CCDC92: variants seen among roughly 807,000 people sequenced by gnomAD.
CCDC92 encodes the protein coiled-coil domain-containing protein 92.
A neutral mutation model predicts 24.9 loss-of-function variants in CCDC92; 12 were observed. The observed-to-expected ratio is 0.48, with a 90% CI of 0.31 to 0.78. The LOEUF is 0.78. CCDC92 is among the 30% of genes least tolerant of loss of function. The pLI, the probability that CCDC92 is intolerant of heterozygous loss-of-function variation, is 0.05. For missense variants in CCDC92, 399 were observed against 439.4 expected, an observed-to-expected ratio of 0.91 and a Z score of 0.82; for synonymous variants, 193 against 196.3, an observed-to-expected ratio of 0.98 and a Z score of 0.14.
intron 4 of CCDC92, among the ~76,000 whole-genome samples, chr12:123,941,634 T>C (rs1955687073): frequency 6.6e-6 from 1 of 152,234 alleles, no homozygotes; most frequent in South Asian, 2.1e-4. Flanking sequence ...GCTCTATGTA[T>C]ATCTCTATAT....
In CCDC92 at chr12:123,937,187, G is replaced by A. The variant is rs756946132; in HGVS notation, c.867C>T (p.Val289=). Residue 289 remains valine (V), a synonymous_variant, in exon 5 of 5, where the codon GTC becomes GTT. Transcript: ENST00000238156. This position sits in a 1 kb window ranked among gnomAD's most constrained non-coding sequence, Gnocchi z 8.4. The part of the protein sequence containing the change: ...PAREKPHKAH[V]GVAHRIHHAT... ...CGTGGTGGATCCGATGTGCCACCCC[G>A]ACGTGGGCCTTGTGCGGCTTTTCGC... 11 of 1,609,780 alleles carry A rather than the reference G, an allele frequency of 6.8e-6. No individual in the cohort carries two copies. Among genetic ancestry groups the A allele is most frequent in the African/African-American group, 4.0e-5 (3 of 74,906 alleles).
chr12:123,955,858 A>G (rs117904296), intron 1 of CCDC92, among the ~76,000 whole-genome samples: 1,537 of 152,348 alleles, frequency 0.01, 13 homozygotes, highest in Non-Finnish European at 0.015. Context: ...TTCATTACCT[A>G]TAACAGGCAT....
chr12:123,960,106 A>C (rs117633377), intron 1 of CCDC92, among the ~76,000 whole-genome samples: 2,899 of 152,310 alleles, frequency 0.019, 41 homozygotes, highest in Middle Eastern at 0.071. Context: ...CCTTACTAGC[A>C]TGTAAACTCC....
intron 4 of CCDC92, among the ~76,000 whole-genome samples, chr12:123,940,148 A>G (rs1955640866): frequency 6.6e-6 from 1 of 152,212 alleles, no homozygotes; most frequent in African/African-American, 2.4e-5. Context: ...TGTGAGGGGC[A>G]GCCCACAAAG....
rs1161304988 is a variant in CCDC92, at chr12:123,937,689, G to A, written c.365C>T (p.Thr122Ile). ...GTACTTCTTCTCTCGCTCCTTGATG[G>A]TGTTCTCCAGCACTGTGATCATCGC... ...KNAMITVLEN[T>I]IKEREKKYLE... is the part of the protein sequence containing the mutation. Residue 122 changes from threonine to isoleucine, a missense_variant, in exon 5 of 5, where the codon ACC becomes ATC. By Grantham distance (89) the Thr-to-Ile change is moderately conservative (BLOSUM62 -1). Transcript: ENST00000238156. This position sits in a 1 kb window ranked among gnomAD's most constrained non-coding sequence, Gnocchi z 8.4. 2 of 1,614,078 alleles carry A rather than the reference G, an allele frequency of 1.2e-6. No homozygotes were observed. Among genetic ancestry groups the A allele is most frequent in the South Asian group, 1.1e-5 (1 of 91,082 alleles).
intron 1 of CCDC92, among the ~76,000 whole-genome samples, chr12:123,956,632 A>G (rs1475841315): frequency 6.6e-6 from 1 of 152,238 alleles, no homozygotes; most frequent in Non-Finnish European, 1.5e-5. Context: ...CAAAACAGCT[A>G]TCCATTAAGA....
chr12:123,959,395 C>T (rs1017392692), intron 1 of CCDC92, among the ~76,000 whole-genome samples: 6 of 151,992 alleles, frequency 3.9e-5, no homozygotes, highest in African/African-American at 1.5e-4. Flanking sequence ...ACCTCGACCT[C>T]CTGGGTTTAA....
chr12:123,941,484 T>C (rs1388317008), intron 4 of CCDC92, among the ~76,000 whole-genome samples: 1 of 152,138 alleles, frequency 6.6e-6, no homozygotes, highest in Non-Finnish European at 1.5e-5. Flanking sequence ...TTGGTGGAAA[T>C]GGTCTGTGTC....
At chr12:123,953,589 T>TAACATGGTGAAAC (rs1956079533) in intron 1 of CCDC92, among the ~76,000 whole-genome samples, 1 of 152,110 alleles carries the variant, frequency 6.6e-6, no homozygotes, top group African/African-American at 2.4e-5. Flanking sequence ...CCATCCTGGC[T>TAACATGGTGAAAC]AACATGGTGA....
chr12:123,943,258 G>A (rs761480265), intron 3 of CCDC92, 89 bp downstream of exon 3: 2 of 1,424,330 alleles, frequency 1.4e-6, no homozygotes, highest in South Asian at 1.2e-5. Flanking sequence ...TGGGAGCTGG[G>A]GGCAGGGCAG....
At chr12:123,959,103 C>T (rs559578222) in intron 1 of CCDC92, among the ~76,000 whole-genome samples, 7 of 152,324 alleles carry the variant, frequency 4.6e-5, no homozygotes, top group Non-Finnish European at 8.8e-5. Context: ...TTCTGCCCTT[C>T]GTTAAGGATG....
chr12:123,947,524 A>G (rs1292897632), intron 1 of CCDC92, among the ~76,000 whole-genome samples: 2 of 152,284 alleles, frequency 1.3e-5, no homozygotes, highest in South Asian at 2.1e-4. Context: ...AAACACACCA[A>G]TCAGCACCCT....
rs904761684 is a variant in CCDC92 at position 123,936,932 on chromosome 12, A to C, written c.*126T>G. 4 of 1,020,192 alleles carry C rather than the reference A, an allele frequency of 3.9e-6. No individual in the cohort carries two copies. Among genetic ancestry groups the C allele is most frequent in the Non-Finnish European group, 5.8e-6 (4 of 693,300 alleles). The allele number at this position is 1,020,192 out of a possible 1,614,324, so 63.2% of individuals were successfully genotyped here. On this transcript the variant is annotated 3_prime_UTR_variant, in exon 5 of 5. Coordinates refer to ENST00000238156, the MANE Select transcript of CCDC92 (RefSeq NM_025140.3). ...GTGAAGAAGAGGGCAAGAGAAGCAGAAGGAGAATGGGTCGGTAGGTGTGAA... is the reference window on the plus strand; with the variant it reads ...GTGAAGAAGAGGGCAAGAGAAGCAGCAGGAGAATGGGTCGGTAGGTGTGAA...
chr12:123,972,709 G>A lies in CCDC92; in HGVS notation c.-240C>T, dbSNP rs892584782. The A allele has an allele frequency of 5.4e-5, 8 of 147,390 alleles. No individual in the cohort carries two copies. Among genetic ancestry groups the A allele is most frequent in the African/African-American group, 2.0e-4 (8 of 40,874 alleles). 9.1% of individuals were successfully genotyped at this position (147,390 alleles called of 1,614,324 possible). On this transcript the variant is annotated 5_prime_UTR_variant, in exon 1 of 5. Coordinates refer to ENST00000238156, the MANE Select transcript of CCDC92 (RefSeq NM_025140.3). The stretch of plus-strand genomic sequence containing the variant: ...GAGGTCAGTGGGCACCGCCCGCCCG[G>A]CGCATCTCGCCCGCTCCCACCCCAG...
chr12:123,969,977 CTT>C (rs1224459521), intron 1 of CCDC92: 1 of 152,082 alleles, frequency 6.6e-6, no homozygotes, highest in Non-Finnish European at 1.5e-5. Context: ...TAAAAAGAGT[CTT>C]TTAAAACACA....
intron 1 of CCDC92, among the ~76,000 whole-genome samples, chr12:123,952,628 G>A (rs1956054556): frequency 6.6e-6 from 1 of 152,190 alleles, no homozygotes; most frequent in Non-Finnish European, 1.5e-5. Flanking sequence ...ATTCCTACTT[G>A]TACATGTATC....
At chr12:123,970,048 A>G (rs1956489644) in intron 1 of CCDC92, 2 of 152,234 alleles carry the variant, frequency 1.3e-5, no homozygotes, top group African/African-American at 2.4e-5. Context: ...AGCACGACTA[A>G]GAATCATCTT....
At position 123,936,268 on chromosome 12, in the gene CCDC92, G is replaced by C. The variant is rs1955489049; in HGVS notation, c.*790C>G. On this transcript the variant is annotated 3_prime_UTR_variant, in exon 5 of 5. Transcript: ENST00000238156. ...AAAGCAGCTTCCCACAGAAGCTCAG[G>C]AGCGCAGCACATTCTAAGGACTAGC... The C allele has an allele frequency of 6.6e-6, 1 of 152,600 alleles. No homozygotes were observed. Among genetic ancestry groups the C allele is most frequent in the Non-Finnish European group, 1.5e-5 (1 of 68,324 alleles). 9.5% of individuals were successfully genotyped at this position (152,600 alleles called of 1,614,324 possible).
At chr12:123,965,438 TCTCA>T (rs770865976) in intron 1 of CCDC92, among the ~76,000 whole-genome samples, 8 of 152,252 alleles carry the variant, frequency 5.3e-5, no homozygotes, top group Admixed American at 1.3e-4. Flanking sequence ...TGCTTTTCTT[TCTCA>T]CTTTTTCCTG....
Sources: gnomAD v4.1 joint callset for allele counts (sites outside exome capture counted in the v4.1 genomes callset) on GRCh38, gnomAD v4.1.1 for gene constraint, Gnocchi (gnomAD v3.1) non-coding constraint, MANE v1.5 for transcripts, NCBI Gene and HGNC (gene_info 2026-07-23, HGNC 2026-07-21) for gene names.